SCEL: variants seen among roughly 807,000 people sequenced by gnomAD.
SCEL encodes the protein sciellin.
SCEL carries 113 observed loss-of-function variants against 117.6 expected under a neutral mutation model. That is an observed-to-expected ratio of 0.96 (90% CI 0.83 to 1.12). The LOEUF (loss-of-function observed/expected upper bound fraction) is 1.12, where lower values mean the gene tolerates loss of function less well. SCEL is among the 50% of genes most tolerant of loss of function. The pLI is 0.00. For missense variants in SCEL, 785 were observed against 810.8 expected, an observed-to-expected ratio of 0.97 and a Z score of 0.39; for synonymous variants, 270 against 256.2, an observed-to-expected ratio of 1.05 and a Z score of -0.51.
rs1436875001 is a variant in SCEL, at chr13:77,618,016, C to T, written c.1584C>T (p.Asp528=). ...VIRNNQSQDL[D]NLIKVKPSAL... is the part of the protein sequence containing the mutation. ...CTCTTTTAAACAGCCAAGACTTGGA[C>T]AATCTTATTAAAGTGAAACCTTCAG... Residue 528 remains aspartate, a synonymous_variant, in exon 27 of 33, where the codon GAC becomes GAT. Transcript: ENST00000349847. The T allele has an allele frequency of 1.9e-6, 3 of 1,613,234 alleles. No individual in the cohort carries two copies. Among genetic ancestry groups the T allele is most frequent in the Non-Finnish European group, 2.5e-6 (3 of 1,179,274 alleles).
At chr13:77,634,261 G>A (rs949965334) in intron 28 of SCEL, 118 bp from the exon 29 acceptor site, 1 of 882,120 alleles carries the variant, frequency 1.1e-6, no homozygotes, top group African/African-American at 1.7e-5. Context: ...ATGTTTCAAA[G>A]TTATAGTTCA....
At chr13:77,589,579 T>C (rs2086756258) in intron 10 of SCEL, among the ~76,000 whole-genome samples, 1 of 152,168 alleles carries the variant, frequency 6.6e-6, no homozygotes, top group South Asian at 2.1e-4. Context: ...ATATAAACCA[T>C]ATTAAAAATG....
At chr13:77,571,739 GTATAAGATTGT>G (rs1437412420) in intron 8 of SCEL, among the ~76,000 whole-genome samples, 1 of 149,730 alleles carries the variant, frequency 6.7e-6, no homozygotes, top group Non-Finnish European at 1.5e-5. Context: ...ATAGAGTAGA[GTATAAGATTGT>G]TATTTCTGTT....
intron 1 of SCEL, among the ~76,000 whole-genome samples, chr13:77,539,379 A>G (rs1464453087): frequency 1.3e-5 from 2 of 151,874 alleles, no homozygotes; most frequent in Non-Finnish European, 2.9e-5. Context: ...CTCTACAAGA[A>G]AAATTTAAAA....
chr13:77,603,869 G>A (rs922954780), intron 18 of SCEL, among the ~76,000 whole-genome samples: 5 of 152,106 alleles, frequency 3.3e-5, no homozygotes, highest in African/African-American at 7.2e-5. Context: ...GAAAGCATAC[G>A]TTCTTATTCT....
At chr13:77,642,628 A>G (rs1267020061) in intron 31 of SCEL, 78 bp from the exon 32 acceptor site, 8 of 820,478 alleles carry the variant, frequency 9.8e-6, no homozygotes, top group African/African-American at 5.2e-5. Flanking sequence ...CCTCGATGGT[A>G]GAGAGATGAT....
chr13:77,544,106 G>A (rs1474637542), intron 1 of SCEL, among the ~76,000 whole-genome samples: 1 of 152,034 alleles, frequency 6.6e-6, no homozygotes, highest in Non-Finnish European at 1.5e-5. Context: ...GGCATGTAAG[G>A]CTTAAATGAG....
At chr13:77,571,614 G>A (rs541232055) in intron 8 of SCEL, among the ~76,000 whole-genome samples, 1 of 151,566 alleles carries the variant, frequency 6.6e-6, no homozygotes, top group African/African-American at 2.4e-5. Flanking sequence ...GCTTGAACCC[G>A]GGAGACGGAA....
chr13:77,632,100 C>T lies in SCEL; in HGVS notation c.1692-2279C>T, dbSNP rs143415311. 2.5e-3 allele frequency among the ~76,000 whole-genome samples: 377 copies of T among 152,352 alleles called. 2 individuals are homozygous for T. The highest frequency in any genetic ancestry group is 8.5e-3 in the African/African-American group (355 of 41,582). On this transcript the variant is annotated intron_variant, in intron 28 of 32. Coordinates refer to ENST00000349847, the MANE Select transcript of SCEL (RefSeq NM_144777.3). ...GGCATTAAGGCCCCACCCCCATAAC[C>T]TCAGATGACCTTTATTACCTCCTTA...
chr13:77,616,680 T>C (rs2089070271), intron 24 of SCEL, among the ~76,000 whole-genome samples: 1 of 151,740 alleles, frequency 6.6e-6, no homozygotes, highest in African/African-American at 2.4e-5. Context: ...ATGCAGACCT[T>C]TTCTCAGACC....
intron 9 of SCEL, among the ~76,000 whole-genome samples, chr13:77,580,481 T>C (rs2086206244): frequency 6.6e-6 from 1 of 152,236 alleles, no homozygotes; most frequent in Non-Finnish European, 1.5e-5. Flanking sequence ...ATAACAGTTC[T>C]GGAAAGTTGA....
intron 19 of SCEL, among the ~76,000 whole-genome samples, chr13:77,606,164 A>C (rs979320708): frequency 2.8e-4 from 43 of 152,146 alleles, no homozygotes; most frequent in African/African-American, 9.9e-4. Flanking sequence ...TCCCATGTAC[A>C]TGAGTGTGTG....
chr13:77,582,771 G>A lies in SCEL; in HGVS notation c.546-6373G>A. On this transcript the variant is annotated intron_variant, in intron 9 of 32. Coordinates refer to ENST00000349847, the MANE Select transcript of SCEL (RefSeq NM_144777.3). ...GCTTTGTTAAATAAATTATGCTTTT[G>A]TTATTATGTTTAAGAACTCTTTGCT... Among the ~76,000 whole-genome samples the A allele has an allele frequency of 1.3e-5, 2 of 151,994 alleles. 1 individual carries two copies. Among genetic ancestry groups the A allele is most frequent in the Non-Finnish European group, 2.9e-5 (2 of 68,002 alleles).
intron 32 of SCEL, among the ~76,000 whole-genome samples, chr13:77,643,959 A>G (rs956611401): frequency 6.6e-6 from 1 of 152,130 alleles, no homozygotes; most frequent in Non-Finnish European, 1.5e-5. Flanking sequence ...TGTGATTACC[A>G]AAAGACTCAG....
intron 9 of SCEL, 129 bp from the exon 10 acceptor site, chr13:77,589,015 G>A (rs1594039378): frequency 1.5e-6 from 1 of 662,376 alleles, no homozygotes; most frequent in East Asian, 2.6e-5. Flanking sequence ...GACCTTTCAG[G>A]TACCTCACAC....
In SCEL at chr13:77,619,133, G is replaced by T. The variant is rs1412507181; in HGVS notation, c.1628+1073G>T. Among the ~76,000 whole-genome samples, 4 of 152,090 alleles carry T rather than the reference G, an allele frequency of 2.6e-5. No homozygotes were observed. The East Asian group carries it at 7.7e-4, about 29-fold the overall frequency. On this transcript the variant is annotated intron_variant, in intron 27 of 32. Coordinates refer to ENST00000349847, the MANE Select transcript of SCEL (RefSeq NM_144777.3). ...GTCCAGTATTCTGAAAGGACAAAAA[G>T]AAATTAACATATGACAAAGTACTTT...
intron 20 of SCEL, 112 bp from the exon 21 acceptor site, chr13:77,608,945 TC>T: frequency 2.4e-6 from 2 of 845,660 alleles, no homozygotes; most frequent in Non-Finnish European, 3.6e-6. Context: ...TATCAATTTA[TC>T]TCAAAACTCA....
Position 77,608,936 on chromosome 13 carries a change from A to G in SCEL, c.1218-122A>G, listed in dbSNP as rs540348173. On this transcript the variant is annotated intron_variant, in intron 20 of 32. Transcript: ENST00000349847. The stretch of plus-strand genomic sequence containing the variant: ...TTTTAAATTAAGAGCATAGACTGGT[A>G]TCAATTTATCTCAAAACTCAGTAGT... 1.2e-3 allele frequency: 918 copies of G among 758,060 alleles called. 2 individuals carry two copies. Among genetic ancestry groups the G allele is most frequent in the Admixed American group, 2.5e-3 (76 of 30,024 alleles). The allele number at this position is 758,060 out of a possible 1,614,324, so 47.0% of individuals were successfully genotyped here.
intron 27 of SCEL, among the ~76,000 whole-genome samples, chr13:77,626,843 G>A (rs1250888364): frequency 6.6e-6 from 1 of 151,966 alleles, no homozygotes; most frequent in Admixed American, 6.6e-5. Context: ...GTTTAGAATG[G>A]TTGACTAACT....
Sources: allele counts gnomAD v4.1 joint callset (sites outside exome capture counted in the v4.1 genomes callset), GRCh38; gene constraint gnomAD v4.1.1; transcripts MANE v1.5; gene names NCBI Gene and HGNC (gene_info 2026-07-23, HGNC 2026-07-21).